Variants in LAMA2 observed in about 807,000 individuals in gnomAD.
LAMA2 encodes laminin subunit alpha-2.
Under a neutral mutation model 364.8 loss-of-function variants are expected in LAMA2, and 269 were observed. The ratio of observed to expected loss-of-function variants is 0.74; its 90% CI spans 0.67 to 0.82. The LOEUF is 0.82. LAMA2 is among the 40% of genes least tolerant of loss of function. LAMA2 has a pLI of 0.00. For synonymous variants in LAMA2, 1,379 were observed against 1,370.6 expected (o/e 1.01, Z -0.14); for missense variants, 3,807 against 3,873.2 (o/e 0.98, Z 0.45).
At chr6:129,086,296 G>A (rs1185448275) in intron 3 of LAMA2, among the ~76,000 whole-genome samples, 1 of 152,164 alleles carries the variant, frequency 6.6e-6, no homozygotes, top group Admixed American at 6.5e-5. Context: ...CATCTGAGAG[G>A]TGGTATCCCA....
intron 28 of LAMA2, among the ~76,000 whole-genome samples, chr6:129,325,858 G>T (rs1322845338): frequency 6.6e-6 from 1 of 151,854 alleles, no homozygotes; most frequent in Non-Finnish European, 1.5e-5. Flanking sequence ...TTATTTTTTT[G>T]AGATGGAGTC....
At chr6:128,914,352 T>C (rs1469914624) in intron 1 of LAMA2, among the ~76,000 whole-genome samples, 1 of 152,140 alleles carries the variant, frequency 6.6e-6, no homozygotes, top group East Asian at 1.9e-4. Flanking sequence ...CTTTAGAAAA[T>C]GTCTGCATGT....
rs549272510 is a variant in LAMA2, at chr6:129,166,564, C to T, written c.1306+889C>T. On this transcript the variant is annotated intron_variant, in intron 9 of 64. Coordinates refer to ENST00000421865, the MANE Select transcript of LAMA2 (RefSeq NM_000426.4). ...TAAAAAACGGATACGTTTTGATAGT[C>T]GAATGATGAATTACTGAGCTCACTT... Among the ~76,000 whole-genome samples, 13 of 152,202 alleles carry T rather than the reference C, an allele frequency of 8.5e-5. No homozygotes were observed. In the South Asian group the frequency reaches 1.0e-3, roughly 12 times the overall value.
chr6:129,211,970 A>G (rs775440512), intron 12 of LAMA2, among the ~76,000 whole-genome samples: 6 of 152,198 alleles, frequency 3.9e-5, no homozygotes, highest in Non-Finnish European at 8.8e-5. Flanking sequence ...TGTGGACAGC[A>G]GTTATTTCTG....
At chr6:129,391,701 A>G (rs952967455) in intron 36 of LAMA2, 48 bp downstream of exon 36, 30 of 1,537,012 alleles carry the variant, frequency 2.0e-5, no homozygotes, top group Non-Finnish European at 2.6e-5. Flanking sequence ...TGAGATTTCC[A>G]GATAATTTAC....
intron 4 of LAMA2, among the ~76,000 whole-genome samples, chr6:129,110,193 T>C (rs75742961): frequency 0.028 from 4,330 of 152,098 alleles, 226 homozygotes; most frequent in African/African-American, 0.099. Context: ...CTGTTGTCAA[T>C]AATTCAGGTC....
At chr6:129,407,510 A>G (rs1026419690) in intron 40 of LAMA2, among the ~76,000 whole-genome samples, 1 of 152,246 alleles carries the variant, frequency 6.6e-6, no homozygotes, top group Non-Finnish European at 1.5e-5. Context: ...GCAAATGAAG[A>G]TATTTTCCTA....
intron 62 of LAMA2, among the ~76,000 whole-genome samples, chr6:129,509,639 C>CATA (rs1786409262): frequency 1.3e-5 from 2 of 151,966 alleles, no homozygotes; most frequent in African/African-American, 4.8e-5. Context: ...GTTCTTAGAA[C>CATA]CTTTATGGAA....
intron 12 of LAMA2, among the ~76,000 whole-genome samples, chr6:129,224,881 T>C (rs1237659416): frequency 6.6e-6 from 1 of 152,212 alleles, no homozygotes; most frequent in Non-Finnish European, 1.5e-5. Flanking sequence ...TCTTTTTCTA[T>C]TGATTGGAAT....
rs146579095 is a variant in LAMA2 at position 129,374,967 on chromosome 6, A to C, written c.4959+4977A>C. Among the ~76,000 whole-genome samples, 45 of 151,344 alleles carry C rather than the reference A, an allele frequency of 3.0e-4. 1 individual carries two copies. In the East Asian group the frequency reaches 8.0e-3, roughly 27 times the overall value. On this transcript the variant is annotated intron_variant, in intron 34 of 64. Transcript: ENST00000421865. ...TGATACAGTCTTTAGATTTAAGAGC[A>C]CATGTCAAGGTTGATCCTGCATGAC...
intron 4 of LAMA2, among the ~76,000 whole-genome samples, chr6:129,117,703 A>G (rs896710783): frequency 1.3e-5 from 2 of 152,220 alleles, no homozygotes; most frequent in South Asian, 2.1e-4. Flanking sequence ...TTCCCCGATC[A>G]CATGCCTTGT....
At chr6:128,938,694 A>G (rs755563182) in intron 1 of LAMA2, among the ~76,000 whole-genome samples, 6 of 152,118 alleles carry the variant, frequency 3.9e-5, no homozygotes, top group Non-Finnish European at 8.8e-5. Flanking sequence ...TGTTTTGTTA[A>G]TTTTTGCTTG....
chr6:129,289,996 A>G (rs1244467136), intron 19 of LAMA2, among the ~76,000 whole-genome samples: 2 of 152,162 alleles, frequency 1.3e-5, no homozygotes, highest in Non-Finnish European at 2.9e-5. Context: ...TTGGTTACCT[A>G]TAGATTTGTT....
At chr6:129,320,240 G>A (rs1208843121) in intron 27 of LAMA2, among the ~76,000 whole-genome samples, 7 of 152,118 alleles carry the variant, frequency 4.6e-5, no homozygotes, top group Admixed American at 4.6e-4. Context: ...CATCCTCGTT[G>A]TCTTCATTTT....
At chr6:129,513,653 A>G (rs55877366) in intron 63 of LAMA2, among the ~76,000 whole-genome samples, 35,468 of 152,142 alleles carry the variant, frequency 0.23, 4,481 homozygotes, top group Middle Eastern at 0.32. Flanking sequence ...TAGTGTTTCA[A>G]TATGTTTCGT....
chr6:128,995,746 G>A (rs1339247723), intron 1 of LAMA2, among the ~76,000 whole-genome samples: 1 of 151,892 alleles, frequency 6.6e-6, no homozygotes, highest in Non-Finnish European at 1.5e-5. Flanking sequence ...TTTTTATGTT[G>A]TTAAAATCAA....
intron 12 of LAMA2, among the ~76,000 whole-genome samples, chr6:129,247,692 G>A (rs529659232): frequency 2.0e-5 from 3 of 152,196 alleles, no homozygotes; most frequent in African/African-American, 7.2e-5. Flanking sequence ...CAATTTTCAG[G>A]CAATTCAAAA....
chr6:129,013,616 G>A (rs920134177), intron 1 of LAMA2, among the ~76,000 whole-genome samples: 2 of 152,094 alleles, frequency 1.3e-5, no homozygotes, highest in African/African-American at 4.8e-5. Flanking sequence ...TCATCAAGGT[G>A]GACAGGGACC....
chr6:129,478,911 T>C (rs767342776), intron 54 of LAMA2, 98 bp downstream of exon 54: 4 of 1,106,660 alleles, frequency 3.6e-6, no homozygotes, highest in Non-Finnish European at 5.5e-6. Flanking sequence ...GTTAATATAT[T>C]TTACTTTTCT....
Sources: gnomAD v4.1 joint callset for allele counts (sites outside exome capture counted in the v4.1 genomes callset) on GRCh38, gnomAD v4.1.1 for gene constraint, MANE v1.5 for transcripts, NCBI Gene and HGNC (gene_info 2026-07-23, HGNC 2026-07-21) for gene names.